The following GSTA4 variants were observed in gnomAD, a reference collection of about 807,000 sequenced individuals.
GSTA4 encodes glutathione S-transferase A4.
In GSTA4, 15 loss-of-function variants were observed where a neutral mutation model predicts 24.4. The ratio of observed to expected loss-of-function variants is 0.61; its 90% CI spans 0.41 to 0.95. The LOEUF (loss-of-function observed/expected upper bound fraction) is 0.95, where lower values mean the gene tolerates loss of function less well. Ranked by LOEUF, GSTA4 falls within the 40% of genes least tolerant of loss-of-function variation. The pLI is 0.00. For missense variants in GSTA4, 244 were observed against 262.1 expected (o/e 0.93, Z 0.48); for synonymous variants, 92 against 94.2 (o/e 0.98, Z 0.13).
chr6:52,980,454 C>A (rs1236425104), intron 6 of GSTA4, among the ~76,000 whole-genome samples: 1 of 152,190 alleles, frequency 6.6e-6, no homozygotes, highest in East Asian at 1.9e-4. Context: ...CAGGCACATG[C>A]CACCATGCTC....
At chr6:52,978,820 A>C (rs912857510) in intron 6 of GSTA4, among the ~76,000 whole-genome samples, 2 of 152,170 alleles carry the variant, frequency 1.3e-5, no homozygotes, top group Non-Finnish European at 2.9e-5. Context: ...AGCTGAAAAA[A>C]AAACCTCAAA....
At chr6:52,994,072 C>G in intron 2 of GSTA4, 85 bp downstream of exon 2, 1 of 913,832 alleles carries the variant, frequency 1.1e-6, no homozygotes, top group Non-Finnish European at 1.8e-6. Flanking sequence ...AGAACTAGAA[C>G]TGAACGGTGC....
At chr6:52,990,514 C>T (rs758314556) in intron 2 of GSTA4, among the ~76,000 whole-genome samples, 29 of 152,196 alleles carry the variant, frequency 1.9e-4, no homozygotes, top group Non-Finnish European at 3.5e-4. Flanking sequence ...CATTACTCTA[C>T]CTGATCAGCC....
At chr6:52,992,991 T>C (rs1763692797) in intron 2 of GSTA4, among the ~76,000 whole-genome samples, 1 of 151,986 alleles carries the variant, frequency 6.6e-6, no homozygotes, top group Admixed American at 6.6e-5. Flanking sequence ...TAGTCCCAGC[T>C]ACTAGGTAGG....
At chr6:52,983,290 G>A (rs1305130490) in intron 5 of GSTA4, among the ~76,000 whole-genome samples, 1 of 152,204 alleles carries the variant, frequency 6.6e-6, no homozygotes, top group Non-Finnish European at 1.5e-5. Context: ...CATTCTGAGG[G>A]TAACGTATAG....
intron 4 of GSTA4, 73 bp from the exon 5 acceptor site, chr6:52,984,678 G>A: frequency 2.7e-6 from 3 of 1,110,514 alleles, no homozygotes; most frequent in Non-Finnish European, 3.8e-6. Flanking sequence ...TAAGAATTCA[G>A]AGTGCTTTTT....
At chr6:52,987,155 C>T (rs1198616771) in intron 3 of GSTA4, among the ~76,000 whole-genome samples, 4 of 152,032 alleles carry the variant, frequency 2.6e-5, no homozygotes, top group East Asian at 3.9e-4. Flanking sequence ...AACTGCTCAC[C>T]CCCTTCGGCC....
At chr6:52,985,671 G>T in intron 3 of GSTA4, 88 bp from the exon 4 acceptor site, 1 of 1,291,386 alleles carries the variant, frequency 7.7e-7, no homozygotes, top group Non-Finnish European at 1.1e-6. Flanking sequence ...AAAAGAAACG[G>T]TGGAATCATG....
Position 52,984,493 on chromosome 6 carries a change from T to C in GSTA4, c.385A>G (p.Ile129Val), listed in dbSNP as rs749573785. 1 of 1,613,714 alleles carries C rather than the reference T, an allele frequency of 6.2e-7. No homozygotes were observed. The highest frequency in any genetic ancestry group is 1.1e-5 in the South Asian group (1 of 90,962). ...TCAAACACAGGAAAGTATCTAATTA[T>C]AGCCTTCTGGGCCATGTTAACCACT... is the stretch of plus-strand genomic sequence containing the variant. Reference protein sequence around the residue: ...KEVVNMAQKAIIRYFPVFEKI... With the variant: ...KEVVNMAQKAVIRYFPVFEKI... The change falls in exon 5 of 7, where the codon ATA becomes GTA. Residue 129 changes from isoleucine to valine, a missense_variant. By Grantham distance (29) the Ile-to-Val change is conservative. Transcript: ENST00000370963.
chr6:52,993,798 G>T (rs1385828806), intron 2 of GSTA4, among the ~76,000 whole-genome samples: 1 of 152,148 alleles, frequency 6.6e-6, no homozygotes, highest in Non-Finnish European at 1.5e-5. Context: ...AGATACCAAG[G>T]CTGCCAGTTT....
intron 6 of GSTA4, among the ~76,000 whole-genome samples, chr6:52,981,822 G>GT (rs45482196): frequency 3.8e-4 from 58 of 151,648 alleles, no homozygotes; most frequent in Admixed American, 2.2e-3. Flanking sequence ...CATTAAATGA[G>GT]TTTTTTTTTA....
intron 2 of GSTA4, among the ~76,000 whole-genome samples, chr6:52,992,359 T>C (rs1179731246): frequency 6.6e-6 from 1 of 152,212 alleles, no homozygotes; most frequent in Non-Finnish European, 1.5e-5. Context: ...TATATAAAAA[T>C]TCCAAATGTA....
chr6:52,994,402 C>T (rs1030282610), intron 1 of GSTA4, 141 bp from the exon 2 acceptor site: 4 of 540,350 alleles, frequency 7.4e-6, no homozygotes, highest in African/African-American at 5.7e-5. Context: ...TTTTCCCTCA[C>T]TCAAGAAAAA....
At chr6:52,993,865 C>G (rs932634680) in intron 2 of GSTA4, 1 of 444,772 alleles carries the variant, frequency 2.2e-6, no homozygotes, top group African/African-American at 2.0e-5. Context: ...AATAAGAGCT[C>G]AGAGTAACTG....
In GSTA4 at chr6:52,978,394, T is replaced by C; in HGVS notation, c.*76A>G. On this transcript the variant is annotated 3_prime_UTR_variant, in exon 7 of 7. Transcript: ENST00000370963. ...TACATAGATAGCACCATGACAGAGC[T>C]GGGATCCATTAAGACATGACTGTAG... 1.4e-6 allele frequency: 2 copies of C among 1,437,172 alleles called. No homozygotes were observed. Among genetic ancestry groups the C allele is most frequent in the South Asian group, 1.2e-5 (1 of 81,016 alleles). 89.0% of individuals were successfully genotyped at this position (1,437,172 alleles called of 1,614,324 possible).
chr6:52,984,391 A>G, intron 5 of GSTA4, 73 bp downstream of exon 5: 1 of 1,381,724 alleles, frequency 7.2e-7, no homozygotes, highest in Non-Finnish European at 1.0e-6. Context: ...TGGACAGAAA[A>G]GGGTGTTTGT....
intron 2 of GSTA4, among the ~76,000 whole-genome samples, chr6:52,991,094 T>C (rs1380042743): frequency 6.6e-6 from 1 of 152,222 alleles, no homozygotes; most frequent in Non-Finnish European, 1.5e-5. Flanking sequence ...ACAACTCACA[T>C]TTGCATCTTT....
chr6:52,985,728 T>C, intron 3 of GSTA4, 145 bp from the exon 4 acceptor site: 1 of 864,602 alleles, frequency 1.2e-6, no homozygotes, highest in Non-Finnish European at 1.8e-6. Context: ...TAACCTTAAC[T>C]TCATTCAGGA....
intron 5 of GSTA4, among the ~76,000 whole-genome samples, chr6:52,983,497 T>G (rs1265064433): frequency 6.6e-6 from 1 of 152,208 alleles, no homozygotes; most frequent in Non-Finnish European, 1.5e-5. Flanking sequence ...GTACAATGCA[T>G]CCTGAATTTG....
Sources: allele counts gnomAD v4.1 joint callset (sites outside exome capture counted in the v4.1 genomes callset), GRCh38; gene constraint gnomAD v4.1.1; transcripts MANE v1.5; gene names NCBI Gene and HGNC (gene_info 2026-07-23, HGNC 2026-07-21).